Variants in NCAM1 observed in about 807,000 individuals in gnomAD.
NCAM1 encodes the protein antigen recognized by monoclonal antibody 5.1H11.
NCAM1 carries 14 observed loss-of-function variants against 109.8 expected under a neutral mutation model. The ratio of observed to expected loss-of-function variants is 0.13; its 90% CI spans 0.08 to 0.20. The LOEUF is 0.20. Ranked by LOEUF, NCAM1 falls within the 10% of genes least tolerant of loss-of-function variation. The pLI, the probability that NCAM1 is intolerant of heterozygous loss-of-function variation, is 1.00. For missense variants in NCAM1, 774 were observed against 1,109.9 expected, an observed-to-expected ratio of 0.70 and a Z score of 4.30; for synonymous variants, 418 against 442.9, an observed-to-expected ratio of 0.94 and a Z score of 0.70.
intron 14 of NCAM1, among the ~76,000 whole-genome samples, chr11:113,235,905 T>C (rs1555118193): frequency 6.6e-6 from 1 of 152,170 alleles, no homozygotes; most frequent in Non-Finnish European, 1.5e-5. Context: ...CATACCCCTT[T>C]GCAGACAGAG....
intron 1 of NCAM1, among the ~76,000 whole-genome samples, chr11:113,141,749 C>T (rs1358337237): frequency 2.6e-5 from 4 of 152,116 alleles, no homozygotes; most frequent in Non-Finnish European, 5.9e-5. Flanking sequence ...TAGTGAGCCG[C>T]CTTGCATACC....
chr11:113,231,825 G>GAGGGAGGGGCA, intron 10 of NCAM1, 30 bp downstream of exon 10: 1 of 1,613,368 alleles, frequency 6.2e-7, no homozygotes, highest in Non-Finnish European at 8.5e-7. Context: ...GGACCTGGGG[G>GAGGGAGGGGCA]AGGGAGGGGC....
chr11:113,157,971 C>T (rs1942475036), intron 1 of NCAM1, among the ~76,000 whole-genome samples: 1 of 152,042 alleles, frequency 6.6e-6, no homozygotes, highest in South Asian at 2.1e-4. Context: ...TTTAATACTA[C>T]ACCAACATTT....
At chr11:113,252,792 T>C (rs1945720448) in intron 15 of NCAM1, among the ~76,000 whole-genome samples, 2 of 128,516 alleles carry the variant, frequency 1.6e-5, no homozygotes, top group Admixed American at 1.6e-4. Context: ...CATGCCACTA[T>C]GCCCAGCTTT....
intron 1 of NCAM1, among the ~76,000 whole-genome samples, chr11:113,115,949 G>T (rs1940681671): frequency 6.6e-6 from 1 of 152,132 alleles, no homozygotes; most frequent in African/African-American, 2.4e-5. Context: ...GGAGGAATTA[G>T]GCTACTAACA....
intron 1 of NCAM1, among the ~76,000 whole-genome samples, chr11:113,086,089 A>G (rs781980672): frequency 5.1e-4 from 78 of 152,246 alleles, no homozygotes; most frequent in Non-Finnish European, 9.1e-4. Flanking sequence ...CAGATTCCAT[A>G]CAATGAACCT....
At chr11:113,195,679 A>AT (rs1487671907) in intron 1 of NCAM1, among the ~76,000 whole-genome samples, 2 of 150,856 alleles carry the variant, frequency 1.3e-5, no homozygotes, top group African/African-American at 4.9e-5. Flanking sequence ...ATTTGTTTGT[A>AT]TTTTTTTTAG....
intron 1 of NCAM1, among the ~76,000 whole-genome samples, chr11:113,154,368 G>A (rs1054587220): frequency 8.5e-5 from 13 of 152,206 alleles, no homozygotes; most frequent in African/African-American, 3.1e-4. Context: ...TCTTGAGCAT[G>A]TCGACATGCT....
chr11:113,152,902 A>G (rs1467077641), intron 1 of NCAM1, among the ~76,000 whole-genome samples: 2 of 152,210 alleles, frequency 1.3e-5, no homozygotes, highest in Non-Finnish European at 2.9e-5. Flanking sequence ...TAAGAAAGGC[A>G]GTGACATCAT....
At chr11:113,128,233 C>A (rs116614762) in intron 1 of NCAM1, among the ~76,000 whole-genome samples, 1 of 152,174 alleles carries the variant, frequency 6.6e-6, no homozygotes, top group Non-Finnish European at 1.5e-5. Context: ...CATCACAGAA[C>A]GGTTTGGGAG....
At chr11:113,106,649 A>G (rs1940182510) in intron 1 of NCAM1, among the ~76,000 whole-genome samples, 1 of 152,246 alleles carries the variant, frequency 6.6e-6, no homozygotes, top group African/African-American at 2.4e-5. Context: ...TTGTGGTTTC[A>G]GATAAACTGA....
At chr11:113,171,633 CAATA>C (rs58639337) in intron 1 of NCAM1, among the ~76,000 whole-genome samples, 3,050 of 149,576 alleles carry the variant, frequency 0.02, 81 homozygotes, top group African/African-American at 0.064. Context: ...GACTTTGTCT[CAATA>C]AATAAATAAA....
At chr11:113,241,390 C>T (rs1199237970) in intron 14 of NCAM1, among the ~76,000 whole-genome samples, 5 of 152,132 alleles carry the variant, frequency 3.3e-5, no homozygotes, top group Non-Finnish European at 5.9e-5. Flanking sequence ...TGGCAGTAGG[C>T]GCTTAGGCAA....
chr11:113,060,909 A>T (rs1442488750), intron 1 of NCAM1, among the ~76,000 whole-genome samples: 1 of 152,200 alleles, frequency 6.6e-6, no homozygotes, highest in East Asian at 1.9e-4. Flanking sequence ...ATACATAAAG[A>T]ATGGTGGTTA....
intron 1 of NCAM1, among the ~76,000 whole-genome samples, chr11:113,044,932 T>G (rs1223312178): frequency 2.6e-5 from 4 of 151,918 alleles, no homozygotes; most frequent in African/African-American, 9.7e-5. Flanking sequence ...TTTTTGTATA[T>G]TTGAGTAGAG....
chr11:113,184,446 C>T (rs187484904), intron 1 of NCAM1, among the ~76,000 whole-genome samples: 1 of 152,278 alleles, frequency 6.6e-6, no homozygotes, highest in African/African-American at 2.4e-5. Flanking sequence ...CTTTTAACTA[C>T]CATTTTGAAG....
intron 1 of NCAM1, among the ~76,000 whole-genome samples, chr11:113,142,478 C>A (rs1054663472): frequency 6.6e-6 from 1 of 152,154 alleles, no homozygotes; most frequent in Non-Finnish European, 1.5e-5. Flanking sequence ...AATATGCTAG[C>A]CTCCCTCTTC....
intron 1 of NCAM1, among the ~76,000 whole-genome samples, chr11:113,101,855 G>A (rs1349861174): frequency 1.3e-5 from 2 of 152,136 alleles, no homozygotes; most frequent in Non-Finnish European, 2.9e-5. Context: ...TTCCCAAGAT[G>A]TGCTTCCCCA....
At chr11:113,169,170 GCAACCAT>G (rs1489769430) in intron 1 of NCAM1, among the ~76,000 whole-genome samples, 1 of 151,968 alleles carries the variant, frequency 6.6e-6, no homozygotes, top group East Asian at 1.9e-4. Context: ...CTAGCTGATA[GCAACCAT>G]ATCCCAAAAA....
Sources: gnomAD v4.1 joint callset for allele counts (sites outside exome capture counted in the v4.1 genomes callset) on GRCh38, gnomAD v4.1.1 for gene constraint, MANE v1.5 for transcripts, NCBI Gene and HGNC (gene_info 2026-07-23, HGNC 2026-07-21) for gene names.